The following CASP10 variants were observed in gnomAD, a reference collection of about 807,000 sequenced individuals.
The protein encoded by CASP10 is caspase 10.
A neutral mutation model predicts 48.5 loss-of-function variants in CASP10; 41 were observed. That is an observed-to-expected ratio of 0.85 (90% CI 0.66 to 1.10). CASP10 has a LOEUF of 1.10. CASP10 is among the 50% of genes least tolerant of loss of function. The pLI, the probability that CASP10 is intolerant of heterozygous loss-of-function variation, is 0.00. For missense variants in CASP10, 614 were observed against 614.5 expected (o/e 1.00, Z 0.01); for synonymous variants, 232 against 238.4 (o/e 0.97, Z 0.25).
exon 10 of CASP10, chr2:201,229,278 T>A: frequency 1.6e-6 from 1 of 630,880 alleles, no homozygotes; most frequent in Non-Finnish European, 2.8e-6. Flanking sequence ...TCTTGTTTCA[T>A]CGTAAACATA....
At chr2:201,224,694 A>C (rs1320864396), downstream of CASP10, among the ~76,000 whole-genome samples, 1 of 152,306 alleles carries the variant, frequency 6.6e-6, no homozygotes, top group South Asian at 2.1e-4. Context: ...GATTCTGTAA[A>C]ATGCCTGGGA....
intron 4 of CASP10, 132 bp from the exon 5 acceptor site, chr2:201,195,710 A>G (rs1429002170): frequency 1.3e-5 from 10 of 742,074 alleles, no homozygotes; most frequent in Non-Finnish European, 2.0e-5. Flanking sequence ...ACGGACTCCT[A>G]CTCTGTCCCC....
At chr2:201,190,152 C>G (rs939283066) in intron 3 of CASP10, among the ~76,000 whole-genome samples, 1 of 152,078 alleles carries the variant, frequency 6.6e-6, no homozygotes, top group Non-Finnish European at 1.5e-5. Context: ...TCTACCCAGT[C>G]CTGGAATCTC....
At chr2:201,198,622 G>A (rs1325792029) in intron 5 of CASP10, among the ~76,000 whole-genome samples, 2 of 136,576 alleles carry the variant, frequency 1.5e-5, no homozygotes, top group African/African-American at 5.6e-5. Flanking sequence ...CTCACTGCAA[G>A]CTCCGCCTCC....
intron 8 of CASP10, 76 bp from the exon 9 acceptor site, chr2:201,208,994 T>G: frequency 6.5e-7 from 1 of 1,526,956 alleles, no homozygotes. Flanking sequence ...CAGTTCTTCA[T>G]TTTGTTTTGC....
exon 10 of CASP10, chr2:201,229,364 A>C: frequency 2.0e-6 from 1 of 493,454 alleles, no homozygotes; most frequent in South Asian, 2.2e-5. Context: ...CAAATGGTCC[A>C]TGGGGAAAAG....
intron 6 of CASP10, among the ~76,000 whole-genome samples, chr2:201,205,228 C>CTTTT (rs35121141): frequency 4.3e-5 from 6 of 138,870 alleles, no homozygotes; most frequent in African/African-American, 1.6e-4. Context: ...CTTTTCTTTT[C>CTTTT]TTTTTTTTTT....
At chr2:201,212,074 G>A (rs543342029) in intron 9 of CASP10, among the ~76,000 whole-genome samples, 2 of 152,062 alleles carry the variant, frequency 1.3e-5, no homozygotes, top group South Asian at 4.2e-4. Context: ...TCAGTCTCCC[G>A]AGTAGCTGGG....
intron 6 of CASP10, among the ~76,000 whole-genome samples, chr2:201,205,371 A>G (rs1267968129): frequency 1.3e-5 from 2 of 151,254 alleles, no homozygotes; most frequent in Non-Finnish European, 3.0e-5. Context: ...ACTACAGGCA[A>G]TGTGTCACCA....
At chr2:201,206,069 T>G in intron 7 of CASP10, 96 bp downstream of exon 7, 2 of 718,470 alleles carry the variant, frequency 2.8e-6, no homozygotes, top group Admixed American at 4.7e-5. Context: ...CTCCCTAGGG[T>G]CCAGCCTTCG....
At chr2:201,213,242 T>C (rs1945460573) in intron 9 of CASP10, 1 of 152,200 alleles carries the variant, frequency 6.6e-6, no homozygotes, top group South Asian at 2.1e-4. Context: ...TGCGGACTTC[T>C]ATTATTAGAC....
chr2:201,205,286 G>A (rs1430047132), intron 6 of CASP10, among the ~76,000 whole-genome samples: 3 of 149,342 alleles, frequency 2.0e-5, no homozygotes, highest in African/African-American at 7.4e-5. Flanking sequence ...GTGCAGTGGT[G>A]TAATCACAGC....
Position 201,217,903 on chromosome 2 carries a change from G to A in CASP10, c.*162G>A, listed in dbSNP as rs559764746. 7.8e-6 allele frequency: 12 copies of A among 1,530,092 alleles called. No homozygotes were observed. The Admixed American group carries it at 8.5e-5, about 11-fold the overall frequency. The allele number at this position is 1,530,092 out of a possible 1,614,324, so 94.8% of individuals were successfully genotyped here. A position where few individuals can be genotyped will look rare whatever the true frequency, so the allele number is the denominator to read the frequency against. On this transcript the variant is annotated 3_prime_UTR_variant, in exon 10 of 10. Transcript: ENST00000286186. ...TTCTGATTTTCTTTTTCTTTTGCAA[G>A]TCTAAATGTTAGAAAACTTTCTTTT...
chr2:201,202,114 G>A (rs1393623443), intron 5 of CASP10, among the ~76,000 whole-genome samples: 2 of 152,110 alleles, frequency 1.3e-5, no homozygotes, highest in Non-Finnish European at 2.9e-5. Context: ...AGCTCCCAAA[G>A]TGCTGGGATT....
intron 6 of CASP10, among the ~76,000 whole-genome samples, chr2:201,205,313 C>G (rs1297756715): frequency 1.3e-5 from 2 of 151,530 alleles, no homozygotes; most frequent in Admixed American, 6.6e-5. Flanking sequence ...CAGCCTTGAC[C>G]CCTCGGACTC....
chr2:201,210,691 C>T (rs1945363890), intron 9 of CASP10, among the ~76,000 whole-genome samples: 1 of 152,132 alleles, frequency 6.6e-6, no homozygotes, highest in Non-Finnish European at 1.5e-5. Context: ...GCTTCAGGAA[C>T]AAGGCAATAT....
chr2:201,216,693 T>C (rs1400432911), intron 9 of CASP10, among the ~76,000 whole-genome samples: 1 of 152,126 alleles, frequency 6.6e-6, no homozygotes, highest in Non-Finnish European at 1.5e-5. Flanking sequence ...CCTTTAATGC[T>C]CTCGGCAACC....
At chr2:201,198,861 C>T (rs552509257) in intron 5 of CASP10, among the ~76,000 whole-genome samples, 54 of 152,174 alleles carry the variant, frequency 3.5e-4, no homozygotes, top group African/African-American at 1.3e-3. Context: ...CTTAAAAATT[C>T]TTTTATGGCT....
Position 201,209,408 on chromosome 2 carries a change from C to T in CASP10, c.1261C>T (p.Gln421Ter). The change falls in exon 9 of 10, where the codon CAG becomes TAG. Residue 421 changes from glutamine to a stop codon, truncating the protein, a stop_gained. Coordinates refer to ENST00000286186, the MANE Select transcript of CASP10 (RefSeq NM_032977.4). LOFTEE classifies it high-confidence loss of function. ...SIEADALNPE[Q>*]APTSLQDSIP... ...CGAAGCAGATGCTCTGAACCCTGAG[C>T]AGGCACCCACTTCCCTGCAGGACAG... 1 of 1,614,162 alleles carries T rather than the reference C, an allele frequency of 6.2e-7. No individual in the cohort carries two copies. The highest frequency in any genetic ancestry group is 1.1e-5 in the South Asian group (1 of 91,078).
Sources: allele counts gnomAD v4.1 joint callset (sites outside exome capture counted in the v4.1 genomes callset), GRCh38; gene constraint gnomAD v4.1.1; transcripts MANE v1.5; gene names NCBI Gene and HGNC (gene_info 2026-07-23, HGNC 2026-07-21).